The following RABGAP1L variants were observed in gnomAD, a reference collection of about 807,000 sequenced individuals.
The protein encoded by RABGAP1L is RAB GTPase activating protein 1 like, also known as rab GTPase-activating protein 1-like.
RABGAP1L carries 63 observed loss-of-function variants against 137.7 expected under a neutral mutation model. The ratio of observed to expected loss-of-function variants is 0.46; its 90% CI spans 0.37 to 0.56. The LOEUF (loss-of-function observed/expected upper bound fraction) is 0.56, where lower values mean the gene tolerates loss of function less well. Ranked by LOEUF, RABGAP1L falls within the 20% of genes least tolerant of loss-of-function variation. The pLI, the probability that RABGAP1L is intolerant of heterozygous loss-of-function variation, is 0.00. For missense variants in RABGAP1L, 1,095 were observed against 1,244.0 expected (o/e 0.88, Z 1.80); for synonymous variants, 431 against 433.7 (o/e 0.99, Z 0.08).
At chr1:174,229,765 A>C (rs4233171) in intron 3 of RABGAP1L, among the ~76,000 whole-genome samples, 56,196 of 151,962 alleles carry the variant, frequency 0.37, 12,679 homozygotes, top group African/African-American at 0.63. Context: ...GATTTATAAT[A>C]CTTTGGGTAT....
intron 11 of RABGAP1L, among the ~76,000 whole-genome samples, chr1:174,337,333 G>A (rs986338068): frequency 3.3e-5 from 5 of 151,986 alleles, no homozygotes; most frequent in African/African-American, 1.2e-4. Flanking sequence ...AAAATCTCAG[G>A]GAAGAGTAGA....
chr1:174,574,623 A>G (rs993022850), intron 13 of RABGAP1L, among the ~76,000 whole-genome samples: 3 of 151,970 alleles, frequency 2.0e-5, no homozygotes, highest in African/African-American at 7.3e-5. Context: ...ACAATCAGAT[A>G]TTAAAATGGC....
intron 19 of RABGAP1L, among the ~76,000 whole-genome samples, chr1:174,899,014 T>C (rs1573730492): frequency 6.6e-6 from 1 of 152,192 alleles, no homozygotes; most frequent in East Asian, 1.9e-4. Flanking sequence ...AAACCCTAGG[T>C]TCTCTGGGAA....
intron 18 of RABGAP1L, among the ~76,000 whole-genome samples, chr1:174,797,341 T>G (rs375103667): frequency 1.3e-5 from 2 of 152,136 alleles, no homozygotes; most frequent in Non-Finnish European, 2.9e-5. Flanking sequence ...TGTTCTTAAA[T>G]GTGAAATGTC....
chr1:174,483,960 T>G (rs1013778247), intron 13 of RABGAP1L, among the ~76,000 whole-genome samples: 1 of 152,230 alleles, frequency 6.6e-6, no homozygotes, highest in Non-Finnish European at 1.5e-5. Context: ...AGCTCTATTT[T>G]TAGTTTTTTG....
intron 13 of RABGAP1L, among the ~76,000 whole-genome samples, chr1:174,506,927 G>A (rs1190160675): frequency 2.0e-5 from 3 of 152,060 alleles, no homozygotes; most frequent in African/African-American, 7.3e-5. Context: ...TGGGCAACAT[G>A]GCGAAACCTC....
chr1:174,319,670 G>A (rs774263070), intron 11 of RABGAP1L, among the ~76,000 whole-genome samples: 2 of 152,140 alleles, frequency 1.3e-5, no homozygotes, highest in African/African-American at 2.4e-5. Context: ...ACATGAAGAT[G>A]TTAGTTGTAG....
intron 19 of RABGAP1L, among the ~76,000 whole-genome samples, chr1:174,870,875 C>T (rs1652075588): frequency 2.0e-5 from 3 of 151,048 alleles, no homozygotes; most frequent in East Asian, 2.0e-4. Flanking sequence ...GTAGCTGGGA[C>T]TACAGGCGCC....
At chr1:174,285,236 C>T (rs1484543512) in intron 10 of RABGAP1L, among the ~76,000 whole-genome samples, 1 of 152,096 alleles carries the variant, frequency 6.6e-6, no homozygotes, top group Non-Finnish European at 1.5e-5. Context: ...AGGCTGGTCT[C>T]GAACTCCTGA....
intron 13 of RABGAP1L, among the ~76,000 whole-genome samples, chr1:174,608,015 T>C (rs1156663714): frequency 6.6e-6 from 1 of 152,198 alleles, no homozygotes; most frequent in Admixed American, 6.5e-5. Flanking sequence ...GCATTGATTA[T>C]GGGAGTAGTT....
intron 13 of RABGAP1L, among the ~76,000 whole-genome samples, chr1:174,577,233 A>G (rs1181156845): frequency 2.0e-5 from 3 of 146,740 alleles, no homozygotes; most frequent in Admixed American, 6.8e-5. Flanking sequence ...ACACACACAC[A>G]CACACACACA....
chr1:174,612,978 T>A (rs1407785885), intron 13 of RABGAP1L, among the ~76,000 whole-genome samples: 1 of 151,794 alleles, frequency 6.6e-6, no homozygotes, highest in East Asian at 1.9e-4. Flanking sequence ...TAGTGGTCTA[T>A]CAATTTTGTT....
intron 13 of RABGAP1L, among the ~76,000 whole-genome samples, chr1:174,553,002 T>G (rs1040285119): frequency 1.3e-5 from 2 of 152,234 alleles, no homozygotes; most frequent in African/African-American, 4.8e-5. Flanking sequence ...CTTTTTTCCA[T>G]ATTATTTTTG....
At chr1:174,660,529 T>C (rs910853594) in intron 14 of RABGAP1L, among the ~76,000 whole-genome samples, 3 of 152,190 alleles carry the variant, frequency 2.0e-5, no homozygotes, top group Admixed American at 1.3e-4. Context: ...AACTAACATA[T>C]CTCCTACCTG....
chr1:174,321,460 G>T (rs777970680), intron 11 of RABGAP1L, among the ~76,000 whole-genome samples: 2 of 152,042 alleles, frequency 1.3e-5, no homozygotes, highest in Non-Finnish European at 1.5e-5. Context: ...GGAAACTGCC[G>T]ACATGTGATG....
intron 13 of RABGAP1L, among the ~76,000 whole-genome samples, chr1:174,495,253 G>T (rs976929758): frequency 6.6e-5 from 10 of 152,160 alleles, no homozygotes; most frequent in Non-Finnish European, 1.5e-4. Flanking sequence ...TGGAGTGAAA[G>T]TCAGAGAGTG....
At chr1:174,490,219 G>T (rs1660090390) in intron 13 of RABGAP1L, among the ~76,000 whole-genome samples, 1 of 152,070 alleles carries the variant, frequency 6.6e-6, no homozygotes, top group African/African-American at 2.4e-5. Context: ...ATTTGTAACG[G>T]TCTTTCTTGG....
At chr1:174,441,553 G>A (rs1654150537) in intron 13 of RABGAP1L, among the ~76,000 whole-genome samples, 1 of 152,022 alleles carries the variant, frequency 6.6e-6, no homozygotes, top group Admixed American at 6.6e-5. Context: ...TGACCAACAT[G>A]GTGAAACCCT....
At chr1:174,450,241 TAAA>T (rs1359453982) in intron 13 of RABGAP1L, among the ~76,000 whole-genome samples, 1 of 152,098 alleles carries the variant, frequency 6.6e-6, no homozygotes, top group Non-Finnish European at 1.5e-5. Flanking sequence ...TAAAAATAAA[TAAA>T]TAAAATAAAA....
Sources: gnomAD v4.1 joint callset for allele counts (sites outside exome capture counted in the v4.1 genomes callset) on GRCh38, gnomAD v4.1.1 for gene constraint, MANE v1.5 for transcripts, NCBI Gene and HGNC (gene_info 2026-07-23, HGNC 2026-07-21) for gene names.